Variants in CCND3 observed in about 807,000 individuals in gnomAD.
The protein encoded by CCND3 is G1/S-specific cyclin-D3.
In CCND3, 9 loss-of-function variants were observed where a neutral mutation model predicts 28.7. That is an observed-to-expected ratio of 0.31 (90% CI 0.19 to 0.55). The LOEUF is 0.55. Ranked by LOEUF, CCND3 falls within the 20% of genes least tolerant of loss-of-function variation. CCND3 has a pLI of 0.93. For missense variants in CCND3, 315 were observed against 385.8 expected, an observed-to-expected ratio of 0.82 and a Z score of 1.54; for synonymous variants, 164 against 163.9, an observed-to-expected ratio of 1.00 and a Z score of 0.00.
chr6:41,992,374 G>A (rs904774082), intron 1 of CCND3, among the ~76,000 whole-genome samples: 3 of 151,434 alleles, frequency 2.0e-5, no homozygotes, highest in Admixed American at 6.6e-5. Flanking sequence ...TGTTGGGCAG[G>A]CTGGTCTCAA....
chr6:41,953,816 T>A (rs953593135), intron 1 of CCND3, among the ~76,000 whole-genome samples: 3 of 152,006 alleles, frequency 2.0e-5, no homozygotes, highest in African/African-American at 7.2e-5. Flanking sequence ...CTAAGGGACT[T>A]CCATCAGTGG....
chr6:41,967,791 ATTCT>A (rs928058358), intron 1 of CCND3, among the ~76,000 whole-genome samples: 1 of 152,172 alleles, frequency 6.6e-6, no homozygotes, highest in African/African-American at 2.4e-5. Context: ...CAGCTGCGTG[ATTCT>A]TTCCCCAGTC....
chr6:42,021,107 TGA>T (rs912653276), intron 1 of CCND3, among the ~76,000 whole-genome samples: 2 of 152,056 alleles, frequency 1.3e-5, no homozygotes, highest in African/African-American at 2.4e-5. Flanking sequence ...AAAGATATTT[TGA>T]GAGAGAGAGA....
At chr6:42,009,987 G>T (rs984358473) in intron 1 of CCND3, among the ~76,000 whole-genome samples, 14 of 152,070 alleles carry the variant, frequency 9.2e-5, no homozygotes, top group Non-Finnish European at 1.8e-4. Context: ...CAGCAAACAG[G>T]CCCTCCAAGG....
intron 1 of CCND3, among the ~76,000 whole-genome samples, chr6:41,963,069 G>A (rs1321801037): frequency 6.6e-6 from 1 of 152,160 alleles, no homozygotes; most frequent in African/African-American, 2.4e-5. Context: ...TTTTTTTAAA[G>A]GCTGCCATGA....
chr6:41,959,560 T>C (rs1014227579), intron 1 of CCND3, among the ~76,000 whole-genome samples: 1 of 151,800 alleles, frequency 6.6e-6, no homozygotes, highest in African/African-American at 2.4e-5. Context: ...GGTGTGTGCC[T>C]GTAATCCCAG....
intron 1 of CCND3, among the ~76,000 whole-genome samples, chr6:41,983,234 C>T (rs1762396483): frequency 2.0e-5 from 3 of 151,736 alleles, no homozygotes; most frequent in African/African-American, 4.8e-5. Flanking sequence ...AAAAATTAGC[C>T]GGGCATGGTG....
chr6:42,023,149 G>A (rs1256294739), intron 1 of CCND3, among the ~76,000 whole-genome samples: 1 of 152,222 alleles, frequency 6.6e-6, no homozygotes, highest in East Asian at 1.9e-4. Context: ...TGGCTGAGGT[G>A]GGACAGGGCA....
chr6:42,044,154 G>C (rs1050000841), intron 1 of CCND3, among the ~76,000 whole-genome samples: 2 of 152,236 alleles, frequency 1.3e-5, no homozygotes, highest in Non-Finnish European at 2.9e-5. Context: ...ACCTGGGGAC[G>C]GGTGTATGCC....
intron 1 of CCND3, among the ~76,000 whole-genome samples, chr6:42,009,505 A>G (rs192445493): frequency 0.013 from 2,032 of 152,212 alleles, 28 homozygotes; most frequent in Non-Finnish European, 0.019. Flanking sequence ...CCAGCTACTC[A>G]GGAGGCTGAG....
intron 1 of CCND3, among the ~76,000 whole-genome samples, chr6:41,999,020 C>A (rs938000857): frequency 6.6e-6 from 1 of 151,774 alleles, no homozygotes; most frequent in Non-Finnish European, 1.5e-5. Context: ...AATCTAAAAC[C>A]CAGAGAGGTA....
At chr6:41,973,951 G>A (rs770457604) in intron 1 of CCND3, among the ~76,000 whole-genome samples, 1 of 152,224 alleles carries the variant, frequency 6.6e-6, no homozygotes, top group Admixed American at 6.5e-5. Context: ...GGGAGGCTGA[G>A]GTGGGTGGAT....
intron 1 of CCND3, among the ~76,000 whole-genome samples, chr6:41,950,637 T>C (rs1292707943): frequency 6.6e-6 from 1 of 151,960 alleles, no homozygotes; most frequent in Admixed American, 6.6e-5. Context: ...GTGCCTTCCA[T>C]ACATCAGGCA....
At chr6:41,966,172 T>G (rs746124109) in intron 1 of CCND3, among the ~76,000 whole-genome samples, 6 of 152,194 alleles carry the variant, frequency 3.9e-5, no homozygotes, top group Non-Finnish European at 5.9e-5. Flanking sequence ...GTTATTATTA[T>G]GTTTAGTGCT....
chr6:41,993,925 TAAAAAAAAAAAA>T (rs201027925), intron 1 of CCND3, among the ~76,000 whole-genome samples: 5 of 121,254 alleles, frequency 4.1e-5, no homozygotes, highest in African/African-American at 1.6e-4. Flanking sequence ...ACTCTTGTCT[TAAAAAAAAAAAA>T]AAAAAAAAAA....
chr6:42,026,596 G>A (rs1040209598), intron 1 of CCND3, among the ~76,000 whole-genome samples: 3 of 152,122 alleles, frequency 2.0e-5, no homozygotes, highest in African/African-American at 7.2e-5. Flanking sequence ...TTCTCATCTA[G>A]ATCTCATGGC....
intron 1 of CCND3, among the ~76,000 whole-genome samples, chr6:41,987,932 C>G (rs906449028): frequency 1.3e-5 from 2 of 151,968 alleles, no homozygotes; most frequent in African/African-American, 4.8e-5. Context: ...GTTCTCTTCT[C>G]TCTTTTTTAT....
At chr6:42,031,578 T>G (rs1764045043) in intron 1 of CCND3, among the ~76,000 whole-genome samples, 1 of 152,182 alleles carries the variant, frequency 6.6e-6, no homozygotes, top group Non-Finnish European at 1.5e-5. Flanking sequence ...TGACATGTTT[T>G]TGATTTTTCA....
At position 41,941,076 on chromosome 6, in the gene CCND3, C is replaced by T. The variant is rs925934196; in HGVS notation, c.198+376G>A. ...AGAACCCCGCGAAAGACACAGGAAC[C>T]GGCTCCCGGGCGGGGGCGGCCGAGC... is the stretch of plus-strand genomic sequence containing the variant. On this transcript the variant is annotated intron_variant, in intron 1 of 4. Coordinates refer to ENST00000372991, the MANE Select transcript of CCND3 (RefSeq NM_001760.5). The surrounding 1 kb of genome is among the most constrained non-coding windows in gnomAD (Gnocchi z 6.1). 4.5e-6 allele frequency: 7 copies of T among 1,565,662 alleles called. No homozygotes were observed. The African/African-American group carries it at 8.2e-5, about 18-fold the overall frequency.
Sources: allele counts gnomAD v4.1 joint callset (sites outside exome capture counted in the v4.1 genomes callset), GRCh38; gene constraint gnomAD v4.1.1; non-coding constraint Gnocchi (gnomAD v3.1); transcripts MANE v1.5; gene names NCBI Gene and HGNC (gene_info 2026-07-23, HGNC 2026-07-21).